The following FRMPD2 variants were observed in gnomAD, a reference collection of about 807,000 sequenced individuals.
FRMPD2 encodes the protein FERM and PDZ domain-containing protein 2.
A neutral mutation model predicts 140.1 loss-of-function variants in FRMPD2; 96 were observed. The ratio of observed to expected loss-of-function variants is 0.69; its 90% CI spans 0.58 to 0.81. FRMPD2 has a LOEUF of 0.81. Among genes scored for constraint, FRMPD2 ranks in the 40% least tolerant of loss-of-function variants. FRMPD2 has a pLI of 0.00. For missense variants in FRMPD2, 1,240 were observed against 1,447.4 expected, an observed-to-expected ratio of 0.86 and a Z score of 2.32; for synonymous variants, 449 against 547.6, an observed-to-expected ratio of 0.82 and a Z score of 2.52.
At chr10:48,225,628 A>G (rs1185213340) in intron 10 of FRMPD2, among the ~76,000 whole-genome samples, 1 of 152,240 alleles carries the variant, frequency 6.6e-6, no homozygotes, top group African/African-American at 2.4e-5. Context: ...CCCGGATTGC[A>G]ATCTCCTGCT....
At chr10:48,247,532 C>T (rs531451048) in intron 3 of FRMPD2, among the ~76,000 whole-genome samples, 1 of 152,324 alleles carries the variant, frequency 6.6e-6, no homozygotes, top group Admixed American at 6.5e-5. Context: ...GACAGGGCTT[C>T]CTAGCACTCA....
intron 28 of FRMPD2, chr10:48,159,108 T>C (rs1837866165): frequency 2.2e-6 from 1 of 455,624 alleles, no homozygotes. Context: ...TTGTGTCCCT[T>C]CATGTCTCCA....
intron 10 of FRMPD2, among the ~76,000 whole-genome samples, chr10:48,231,710 G>A (rs1238865028): frequency 6.6e-6 from 1 of 152,318 alleles, no homozygotes; most frequent in East Asian, 1.9e-4. Context: ...ACGTCAGAGA[G>A]GGAAGAGGGT....
At chr10:48,247,418 T>C (rs572337246) in intron 3 of FRMPD2, among the ~76,000 whole-genome samples, 1 of 152,188 alleles carries the variant, frequency 6.6e-6, no homozygotes, top group African/African-American at 2.4e-5. Flanking sequence ...GCAATGACAG[T>C]GTAGAGAAAA....
chr10:48,272,614 T>C (rs1265136205), intron 1 of FRMPD2, among the ~76,000 whole-genome samples: 2 of 152,240 alleles, frequency 1.3e-5, no homozygotes, highest in Non-Finnish European at 2.9e-5. Flanking sequence ...TGGTAGTATT[T>C]ATACCACAAA....
chr10:48,170,307 G>A (rs532936777), intron 26 of FRMPD2, among the ~76,000 whole-genome samples: 2,067 of 152,090 alleles, frequency 0.014, 22 homozygotes, highest in African/African-American at 0.046. Context: ...GCCATGGGAC[G>A]ACTACAACCT....
intron 1 of FRMPD2, among the ~76,000 whole-genome samples, chr10:48,259,387 G>T (rs890929218): frequency 1.3e-5 from 2 of 152,118 alleles, no homozygotes; most frequent in Non-Finnish European, 2.9e-5. Flanking sequence ...GGAAGGCTGG[G>T]GTTTTGAGCT....
chr10:48,227,942 ACTT>A (rs1484855326), intron 10 of FRMPD2, among the ~76,000 whole-genome samples: 4 of 152,170 alleles, frequency 2.6e-5, no homozygotes, highest in African/African-American at 7.2e-5. Flanking sequence ...CAGACATACG[ACTT>A]CTTCTATCTG....
chr10:48,210,018 A>G lies in FRMPD2; in HGVS notation c.1611+1936T>C, dbSNP rs1258905885. ...ATTTTAAATATATATGCATATACAT[A>G]TATATATGAATGCACAGAACAAAGA... On this transcript the variant is annotated intron_variant, in intron 13 of 28. Coordinates refer to ENST00000374201, the MANE Select transcript of FRMPD2 (RefSeq NM_001018071.4). Among the ~76,000 whole-genome samples, 3 of 152,314 alleles carry G rather than the reference A, an allele frequency of 2.0e-5. No homozygotes were observed. The East Asian group carries it at 5.8e-4, about 29-fold the overall frequency.
intron 1 of FRMPD2, among the ~76,000 whole-genome samples, chr10:48,253,288 T>C (rs191322659): frequency 5.9e-5 from 9 of 152,340 alleles, no homozygotes; most frequent in African/African-American, 1.9e-4. Flanking sequence ...TTGCACCTTA[T>C]GCAAAAATTA....
Position 48,232,154 on chromosome 10 carries a change from G to A in FRMPD2, c.1129C>T (p.Leu377Phe). ...VFNAVTSFAN[L>F]EELTYFGLAY... The stretch of plus-strand genomic sequence containing the variant: ...AAGCCAAAGTAGGTGAGTTCCTCGA[G>A]GTTGGCAAAGGATGTCACGGCATTG... Residue 377 changes from leucine to phenylalanine, a missense_variant, in exon 10 of 29, where the codon CTC becomes TTC. By Grantham distance (22) the Leu-to-Phe change is conservative (BLOSUM62 0). Coordinates refer to ENST00000374201, the MANE Select transcript of FRMPD2 (RefSeq NM_001018071.4). 2.5e-6 allele frequency: 4 copies of A among 1,614,172 alleles called. No individual in the cohort carries two copies.
intron 9 of FRMPD2, among the ~76,000 whole-genome samples, chr10:48,234,605 GACAA>G (rs753154956): frequency 2.0e-5 from 3 of 152,166 alleles, no homozygotes; most frequent in African/African-American, 4.8e-5. Context: ...GCCCAAGCCA[GACAA>G]ACAGAGTGAC....
Position 48,242,224 on chromosome 10 carries a change from G to A in FRMPD2, c.504C>T (p.Tyr168=). The part of the protein sequence containing the change: ...CRVHEKEVSV[Y]PAPAGLHIRR... ...TGATGTGGAGACCAGCAGGGGCTGG[G>A]TAGACAGACACTTCTTTCTCATGAA... Residue 168 remains tyrosine (Y), a synonymous_variant, in exon 5 of 29, where the codon TAC becomes TAT. Transcript: ENST00000374201. 6.2e-6 allele frequency: 10 copies of A among 1,614,164 alleles called. No individual in the cohort carries two copies. Among genetic ancestry groups the A allele is most frequent in the Non-Finnish European group, 8.5e-6 (10 of 1,180,012 alleles).
intron 16 of FRMPD2, 134 bp downstream of exon 16, chr10:48,192,550 G>A (rs1838853140): frequency 9.1e-6 from 7 of 769,974 alleles, no homozygotes; most frequent in South Asian, 1.8e-5. Context: ...TCACGCCACT[G>A]CACTCCTCCA....
chr10:48,171,392 T>C, intron 25 of FRMPD2, among the ~76,000 whole-genome samples, 184 bp from the exon 26 acceptor site: 1 of 151,914 alleles, frequency 6.6e-6, no homozygotes, highest in Admixed American at 6.6e-5. Context: ...TAAAATATAA[T>C]GTGAGCTATA....
chr10:48,174,662 A>G (rs1451615022), intron 24 of FRMPD2, among the ~76,000 whole-genome samples: 1 of 150,388 alleles, frequency 6.6e-6, no homozygotes, highest in Non-Finnish European at 1.5e-5. Flanking sequence ...GATTTTTTTT[A>G]CTCAGAAACA....
At chr10:48,206,341 A>C (rs537291879) in intron 14 of FRMPD2, among the ~76,000 whole-genome samples, 1 of 152,170 alleles carries the variant, frequency 6.6e-6, no homozygotes, top group Admixed American at 6.6e-5. Flanking sequence ...AAAACACGGG[A>C]AGAAGTTTCA....
rs763060954 is a variant in FRMPD2 at position 48,242,182 on chromosome 10, C to G, written c.546G>C (p.Leu182Phe). ...TGACCTCAGAAATGGTACCCAGAAC[C>G]AAGCCAACCAGCCTTCTGATGTGGA... is the stretch of plus-strand genomic sequence containing the variant. ...AGLHIRRLVG[L>F]VLGTISEVEK... Residue 182 changes from leucine (L) to phenylalanine (F), a missense_variant, in exon 5 of 29, where the codon TTG (leucine) becomes TTC (phenylalanine). By Grantham distance (22) the Leu-to-Phe change is conservative (BLOSUM62 0). Transcript: ENST00000374201. 3 of 1,613,260 alleles carry G rather than the reference C, an allele frequency of 1.9e-6. No homozygotes were observed. In the South Asian group the frequency reaches 3.3e-5, roughly 18 times the overall value.
intron 27 of FRMPD2, 43 bp from the exon 28 acceptor site, chr10:48,163,714 A>G (rs781972721): frequency 2.8e-6 from 4 of 1,404,400 alleles, no homozygotes; most frequent in African/African-American, 1.5e-5. Flanking sequence ...CGGGATGCAC[A>G]TTGTTTTTTT....
Sources: gnomAD v4.1 joint callset for allele counts (sites outside exome capture counted in the v4.1 genomes callset) on GRCh38, gnomAD v4.1.1 for gene constraint, MANE v1.5 for transcripts, NCBI Gene and HGNC (gene_info 2026-07-23, HGNC 2026-07-21) for gene names.